SLC25A12: variants seen among roughly 807,000 people sequenced by gnomAD.
The protein encoded by SLC25A12 is solute carrier family 25 member 12, also known as electrogenic aspartate/glutamate antiporter SLC25A12, mitochondrial.
SLC25A12 carries 32 observed loss-of-function variants against 83.3 expected under a neutral mutation model. The ratio of observed to expected loss-of-function variants is 0.38; its 90% CI spans 0.29 to 0.52. The LOEUF is 0.52. Among genes scored for constraint, SLC25A12 ranks in the 20% least tolerant of loss-of-function variants. The probability of loss-of-function intolerance (pLI) is 0.84; values close to 1 mark genes in which losing one functional copy is unlikely to be tolerated. For missense variants in SLC25A12, 611 were observed against 835.6 expected (o/e 0.73, Z 3.31); for synonymous variants, 267 against 291.1 (o/e 0.92, Z 0.84).
chr2:171,808,762 T>C (rs1189542731), intron 13 of SLC25A12, among the ~76,000 whole-genome samples: 1 of 152,198 alleles, frequency 6.6e-6, no homozygotes, highest in Non-Finnish European at 1.5e-5. Flanking sequence ...GTTTGATACA[T>C]AGGTATACAT....
rs142953980 is a variant in SLC25A12, at chr2:171,834,417, G to A, written c.751+310C>T. ...ACATCCTAATACCACTCACCAAAAG[G>A]AGTAGGCTTGCTCATCTTTCTGTGG... On this transcript the variant is annotated intron_variant, in intron 7 of 17. Transcript: ENST00000422440. 1.2e-3 allele frequency: 556 copies of A among 459,398 alleles called. 4 individuals carry two copies. Among genetic ancestry groups the A allele is most frequent in the African/African-American group, 9.9e-3 (507 of 50,982 alleles). The allele number at this position is 459,398 out of a possible 1,614,324, so 28.5% of individuals were successfully genotyped here. A position where few individuals can be genotyped will look rare whatever the true frequency, so the allele number is the denominator to read the frequency against.
chr2:171,893,300 A>G, intron 1 of SLC25A12, 42 bp from the exon 2 acceptor site: 1 of 1,520,220 alleles, frequency 6.6e-7, no homozygotes, highest in Non-Finnish European at 9.1e-7. Context: ...ATGCTTCACT[A>G]GAGACCACAC....
rs562558151 is a variant in SLC25A12 at position 171,849,208 on chromosome 2, C to A, written c.326-4700G>T. ...GTGTCTCAAAATTAATAAATAAATA[C>A]ATACATACATACATACATACTATTA... is the stretch of plus-strand genomic sequence containing the variant. On this transcript the variant is annotated intron_variant, in intron 4 of 17. Transcript: ENST00000422440. 1.9e-4 allele frequency among the ~76,000 whole-genome samples: 29 copies of A among 151,896 alleles called. 1 individual carries two copies. The highest frequency in any genetic ancestry group is 3.9e-4 in the East Asian group (2 of 5,172).
chr2:171,885,345 T>TA (rs201291321), intron 2 of SLC25A12, among the ~76,000 whole-genome samples: 2,941 of 151,820 alleles, frequency 0.019, 44 homozygotes, highest in Non-Finnish European at 0.029. Context: ...TTTTTTTTTT[T>TA]AATGAGAACT....
chr2:171,817,628 T>C (rs1439486493), intron 9 of SLC25A12, among the ~76,000 whole-genome samples: 3 of 113,332 alleles, frequency 2.6e-5, no homozygotes, highest in Admixed American at 2.5e-4. Context: ...AAAAAATGTA[T>C]GTAGAATGTT....
chr2:171,890,132 T>C (rs893022331), intron 2 of SLC25A12, among the ~76,000 whole-genome samples: 1 of 152,232 alleles, frequency 6.6e-6, no homozygotes, highest in Admixed American at 6.5e-5. Context: ...ATTTAGGTCT[T>C]GGCTCTGTTG....
At chr2:171,830,494 T>A (rs558480774) in intron 8 of SLC25A12, among the ~76,000 whole-genome samples, 1 of 152,164 alleles carries the variant, frequency 6.6e-6, no homozygotes, top group South Asian at 2.1e-4. Context: ...CCTCATGTAC[T>A]CCTTTGTTTA....
intron 3 of SLC25A12, among the ~76,000 whole-genome samples, chr2:171,865,183 G>A (rs1390915625): frequency 6.6e-6 from 1 of 152,008 alleles, no homozygotes; most frequent in African/African-American, 2.4e-5. Flanking sequence ...TGAATGAATG[G>A]AAGAAATATA....
chr2:171,824,084 T>TC (rs1684250378), intron 9 of SLC25A12, among the ~76,000 whole-genome samples: 1 of 152,076 alleles, frequency 6.6e-6, no homozygotes, highest in Non-Finnish European at 1.5e-5. Context: ...GAGAAAGCAC[T>TC]CCCCATCACT....
In SLC25A12 at chr2:171,833,999, A is replaced by G; in HGVS notation, c.809T>C (p.Ile270Thr). The change falls in exon 8 of 18, where the codon ATT (isoleucine) becomes ACT (threonine). Residue 270 changes from isoleucine (I) to threonine (T), a missense_variant. Ile to Thr is a moderately conservative substitution (Grantham distance 89). Around this residue, in one of 3 missense-constraint regions of SLC25A12, gnomAD observed 540 missense variants for 777.5 expected, o/e 0.69. Coordinates refer to ENST00000422440, the MANE Select transcript of SLC25A12 (RefSeq NM_003705.5). ...ATATAAGTCTGCAAGCTGATATAGA[A>G]TATCAATTTCTAGTGGTGTGACTTG... The part of the protein sequence containing the change: ...YGQVTPLEID[I>T]LYQLADLYNA... The G allele has an allele frequency of 1.2e-6, 2 of 1,607,418 alleles. No individual in the cohort carries two copies. Among genetic ancestry groups the G allele is most frequent in the Non-Finnish European group, 1.7e-6 (2 of 1,174,018 alleles).
intron 13 of SLC25A12, among the ~76,000 whole-genome samples, chr2:171,807,763 T>C (rs188208250): frequency 4.7e-4 from 72 of 152,354 alleles, no homozygotes; most frequent in Non-Finnish European, 8.7e-4. Context: ...AGTTTTATTC[T>C]ATGTCCACTG....
At chr2:171,838,167 C>T (rs188946429) in intron 5 of SLC25A12, among the ~76,000 whole-genome samples, 6 of 152,272 alleles carry the variant, frequency 3.9e-5, no homozygotes, top group African/African-American at 7.2e-5. Context: ...TAAGTATATA[C>T]ATATTATTTA....
At chr2:171,789,422 G>A (rs1053978488) in intron 15 of SLC25A12, among the ~76,000 whole-genome samples, 1 of 152,060 alleles carries the variant, frequency 6.6e-6, no homozygotes, top group Non-Finnish European at 1.5e-5. Context: ...TAGAGACGGG[G>A]TTTCACCGTG....
chr2:171,826,557 C>T (rs2176465), intron 9 of SLC25A12, among the ~76,000 whole-genome samples: 32,506 of 151,968 alleles, frequency 0.21, 4,196 homozygotes, highest in East Asian at 0.58. Flanking sequence ...TGCAGTAAGC[C>T]GAGATCACGC....
chr2:171,862,893 G>A (rs552381065), intron 3 of SLC25A12, among the ~76,000 whole-genome samples: 1 of 152,114 alleles, frequency 6.6e-6, no homozygotes, highest in South Asian at 2.1e-4. Flanking sequence ...GGAGAAAAGA[G>A]AATATCTTTT....
At chr2:171,867,554 T>G (rs1451824114) in intron 3 of SLC25A12, among the ~76,000 whole-genome samples, 1 of 152,052 alleles carries the variant, frequency 6.6e-6, no homozygotes, top group Non-Finnish European at 1.5e-5. Flanking sequence ...GAGGTTGCAG[T>G]GAGCCGAGAT....
At chr2:171,874,373 C>CA (rs1301626812) in intron 2 of SLC25A12, among the ~76,000 whole-genome samples, 1 of 152,084 alleles carries the variant, frequency 6.6e-6, no homozygotes, top group African/African-American at 2.4e-5. Context: ...GCCTGGGTGA[C>CA]AAGAGCAGAA....
intron 15 of SLC25A12, chr2:171,788,316 AT>A (rs1462271562): frequency 2.2e-5 from 5 of 228,954 alleles, no homozygotes; most frequent in African/African-American, 1.2e-4. Flanking sequence ...ATTTTTATGT[AT>A]AAAAAAATGA....
chr2:171,804,053 T>C (rs1471188477), intron 13 of SLC25A12, among the ~76,000 whole-genome samples: 1 of 152,196 alleles, frequency 6.6e-6, no homozygotes, highest in Non-Finnish European at 1.5e-5. Context: ...ATAGCAGCAT[T>C]ATTCATAAGT....
Sources: gnomAD v4.1 joint callset for allele counts (sites outside exome capture counted in the v4.1 genomes callset) on GRCh38, gnomAD v4.1.1 for gene constraint, gnomAD v4.1.1 regional missense constraint, MANE v1.5 for transcripts, NCBI Gene and HGNC (gene_info 2026-07-23, HGNC 2026-07-21) for gene names.